JKAMP: variants seen among roughly 807,000 people sequenced by gnomAD.
The protein encoded by JKAMP is JNK1/MAPK8 associated membrane protein.
Under a neutral mutation model 40.2 loss-of-function variants are expected in JKAMP, and 20 were observed. The ratio of observed to expected loss-of-function variants is 0.50; its 90% confidence interval spans 0.35 to 0.72. The LOEUF (loss-of-function observed/expected upper bound fraction) is 0.72, where lower values mean the gene tolerates loss of function less well. Among genes scored for constraint, JKAMP ranks in the 30% least tolerant of loss-of-function variants. JKAMP has a pLI of 0.01. For missense variants in JKAMP, 276 were observed against 373.0 expected (o/e 0.74, Z 2.14); for synonymous variants, 138 against 131.6 (o/e 1.05, Z -0.33).
intron 3 of JKAMP, among the ~76,000 whole-genome samples, chr14:59,490,669 C>A (rs1321344007): frequency 2.0e-5 from 3 of 152,094 alleles, no homozygotes; most frequent in African/African-American, 7.2e-5. Context: ...ATTGGGAAAG[C>A]ATTTATAATT....
chr14:59,487,671 T>C lies in JKAMP; in HGVS notation c.97-3T>C, dbSNP rs375977717. 2.5e-5 allele frequency: 41 copies of C among 1,609,702 alleles called. No individual in the cohort carries two copies. The highest frequency in any genetic ancestry group is 5.5e-5 in the South Asian group (5 of 90,976). On this transcript the variant is annotated splice_region_variant and splice_polypyrimidine_tract_variant and intron_variant, in intron 2 of 6. Transcript: ENST00000616435. The stretch of plus-strand genomic sequence containing the variant: ...CACAAAATATTGGTTTTATATATTA[T>C]AGGTATGCCCAAGAGGACAGAGAAC...
intron 3 of JKAMP, among the ~76,000 whole-genome samples, chr14:59,491,237 G>A (rs1250295373): frequency 6.6e-6 from 1 of 152,228 alleles, no homozygotes; most frequent in Non-Finnish European, 1.5e-5. Context: ...ATGCCCAGAT[G>A]TGTGGAGGCA....
At chr14:59,494,888 G>GTT (rs1261683063) in intron 3 of JKAMP, 130 bp from the exon 4 acceptor site, 8 of 652,842 alleles carry the variant, frequency 1.2e-5, no homozygotes, top group Middle Eastern at 2.6e-4. Context: ...AGAAAAAAAG[G>GTT]TTATACTCGA....
intron 4 of JKAMP, among the ~76,000 whole-genome samples, chr14:59,496,748 A>G (rs1891481822): frequency 1.3e-5 from 2 of 152,310 alleles, no homozygotes; most frequent in South Asian, 4.1e-4. Flanking sequence ...TCTATTCACT[A>G]TCCCTGAATC....
At chr14:59,490,411 T>C (rs1890902411) in intron 3 of JKAMP, among the ~76,000 whole-genome samples, 1 of 152,180 alleles carries the variant, frequency 6.6e-6, no homozygotes. Flanking sequence ...TCCAAAAAAA[T>C]CACTCCGTAT....
chr14:59,486,784 G>T lies in JKAMP; in HGVS notation c.76G>T (p.Glu26Ter). Reference protein sequence around the residue: ...KTLLFKNGSTEIYGECGVCPR... With the variant: ...KTLLFKNGST ...CCTATTATTTAAAAATGGCTCAACT[G>T]AAATATATGGAGAATGTGGGGTAAG... is the stretch of plus-strand genomic sequence containing the variant. The change falls in exon 2 of 7, where the codon GAA becomes TAA. Residue 26 changes from glutamate (E) to a stop codon, truncating the protein, a stop_gained. Transcript: ENST00000616435. LOFTEE classifies it high-confidence loss of function. 6.3e-7 allele frequency: 1 copy of T among 1,578,774 alleles called. No homozygotes were observed. Among genetic ancestry groups the T allele is most frequent in the Non-Finnish European group, 8.6e-7 (1 of 1,156,972 alleles).
Position 59,504,209 on chromosome 14 carries a change from T to A in JKAMP, c.*137T>A, listed in dbSNP as rs1892174995. Reference sequence around the variant, plus strand: ...TATATCTTAATGTTTGGGTTTGTCTTTGTTTTGTTTATGGTTAGACTTACA... The same window carrying A: ...TATATCTTAATGTTTGGGTTTGTCTATGTTTTGTTTATGGTTAGACTTACA... On this transcript the variant is annotated 3_prime_UTR_variant, in exon 7 of 7. Transcript: ENST00000616435. 3.2e-6 allele frequency: 2 copies of A among 633,600 alleles called. No homozygotes were observed. Among genetic ancestry groups the A allele is most frequent in the Non-Finnish European group, 5.5e-6 (2 of 365,112 alleles). 39.2% of individuals were successfully genotyped at this position (633,600 alleles called of 1,614,324 possible). A position where few individuals can be genotyped will look rare whatever the true frequency, so the allele number is the denominator to read the frequency against.
intron 1 of JKAMP, 78 bp downstream of exon 1, chr14:59,484,671 C>T: frequency 1.3e-6 from 2 of 1,511,284 alleles, no homozygotes; most frequent in Non-Finnish European, 9.0e-7. Flanking sequence ...TCGGGCTCGG[C>T]TCTTTGTAGG....
At chr14:59,496,490 G>C (rs1253116) in intron 4 of JKAMP, among the ~76,000 whole-genome samples, 81,979 of 151,772 alleles carry the variant, frequency 0.54, 24,473 homozygotes, top group African/African-American at 0.8. Flanking sequence ...GACTTATTTA[G>C]CGATAGTCTC....
At position 59,495,210 on chromosome 14, in the gene JKAMP, A is replaced by C; in HGVS notation, c.444A>C (p.Glu148Asp). The C allele has an allele frequency of 6.2e-7, 1 of 1,608,664 alleles. No homozygotes were observed. ...TTACCACAGTACACTGTACTCATGA[A>C]GCCGTCTACCCACTGTAAGTGTTTA... ...DYVTTVHCTH[E>D]AVYPLYTIVF... The change falls in exon 4 of 7, where the codon GAA (glutamate) becomes GAC (aspartate). Residue 148 changes from glutamate (E) to aspartate (D), a missense_variant. Coordinates refer to ENST00000616435, the MANE Select transcript of JKAMP (RefSeq NM_016475.5).
chr14:59,498,737 G>A lies in JKAMP; in HGVS notation c.469G>A (p.Val157Ile), dbSNP rs1891632103. The A allele has an allele frequency of 6.6e-7, 1 of 1,516,680 alleles. No individual in the cohort carries two copies. Among genetic ancestry groups the A allele is most frequent in the African/African-American group, 1.4e-5 (1 of 72,276 alleles). The allele number at this position is 1,516,680 out of a possible 1,614,324, so 94.0% of individuals were successfully genotyped here. Residue 157 changes from valine (V) to isoleucine (I), a missense_variant, in exon 5 of 7, where the codon GTA (valine) becomes ATA (isoleucine). Val to Ile is a conservative substitution (Grantham distance 29, BLOSUM62 3). Transcript: ENST00000616435. ...HEAVYPLYTI[V>I]FIYYAFCLVL... ...TATTTTATTTTACAGATATACCATT[G>A]TATTTATCTATTACGCATTCTGCTT...
At chr14:59,484,648 T>C in intron 1 of JKAMP, 55 bp downstream of exon 1, 1 of 1,560,678 alleles carries the variant, frequency 6.4e-7, no homozygotes, top group Non-Finnish European at 8.7e-7. Context: ...ACTACTTTCC[T>C]ACACGGCTGG....
chr14:59,503,585 T>C (rs1417270515), intron 6 of JKAMP, among the ~76,000 whole-genome samples: 4 of 152,172 alleles, frequency 2.6e-5, no homozygotes, highest in Non-Finnish European at 4.4e-5. Context: ...GAGTGAATGA[T>C]GGCATAGACT....
At chr14:59,497,218 C>T (rs1039045884) in intron 4 of JKAMP, among the ~76,000 whole-genome samples, 7 of 152,076 alleles carry the variant, frequency 4.6e-5, no homozygotes, top group Non-Finnish European at 8.8e-5. Context: ...ATCATTATAA[C>T]TTACTGCAAA....
chr14:59,497,755 G>A (rs1322787584), intron 4 of JKAMP, among the ~76,000 whole-genome samples: 1 of 152,120 alleles, frequency 6.6e-6, no homozygotes, highest in Non-Finnish European at 1.5e-5. Flanking sequence ...GATCAAACAT[G>A]TACTAATGCA....
chr14:59,485,981 A>AT (rs1890537919), intron 1 of JKAMP: 1 of 152,228 alleles, frequency 6.6e-6, no homozygotes, highest in Non-Finnish European at 1.5e-5. Context: ...GAAAACTTCC[A>AT]TAATTTCTTG....
chr14:59,502,713 A>C (rs1253859057), intron 6 of JKAMP, among the ~76,000 whole-genome samples: 1 of 145,514 alleles, frequency 6.9e-6, no homozygotes, highest in African/African-American at 2.5e-5. Context: ...TTTGAGGGAG[A>C]AAATAGTTGG....
In JKAMP at chr14:59,501,111, A is replaced by G. The variant is rs553773645; in HGVS notation, c.641-80A>G. On this transcript the variant is annotated intron_variant, in intron 5 of 6. Transcript: ENST00000616435. ...TGAGAAAGGATTTGACTCTAAGGAA[A>G]ATTACTATTTGAATTTATTTGATGG... The G allele has an allele frequency of 5.8e-4, 528 of 915,576 alleles. 12 individuals carry two copies. In the South Asian group the frequency reaches 6.1e-3, roughly 11 times the overall value. 56.7% of individuals were successfully genotyped at this position (915,576 alleles called of 1,614,324 possible).
chr14:59,502,767 T>TTGTTTTTG (rs1892024194), intron 6 of JKAMP, among the ~76,000 whole-genome samples: 1 of 138,750 alleles, frequency 7.2e-6, no homozygotes. Flanking sequence ...TTTTTTTTTT[T>TTGTTTTTG]TTTTTTCGGA....
Sources: gnomAD v4.1 joint callset for allele counts (sites outside exome capture counted in the v4.1 genomes callset) on GRCh38, gnomAD v4.1.1 for gene constraint, MANE v1.5 for transcripts, NCBI Gene and HGNC (gene_info 2026-07-23, HGNC 2026-07-21) for gene names.